The following TIAM2 variants were observed in gnomAD, a reference collection of about 807,000 sequenced individuals.
The protein encoded by TIAM2 is TIAM Rac1 associated GEF 2.
TIAM2 carries 80 observed loss-of-function variants against 152.9 expected under a neutral mutation model. The ratio of observed to expected loss-of-function variants is 0.52; its 90% CI spans 0.44 to 0.63. The LOEUF is 0.63. TIAM2 is among the 30% of genes least tolerant of loss of function. The pLI is 0.00. For missense variants in TIAM2, 1,965 were observed against 2,120.1 expected, an observed-to-expected ratio of 0.93 and a Z score of 1.44; for synonymous variants, 804 against 838.0, an observed-to-expected ratio of 0.96 and a Z score of 0.70.
chr6:155,247,517 CG>C (rs1056977416), intron 19 of TIAM2, among the ~76,000 whole-genome samples: 2 of 151,978 alleles, frequency 1.3e-5, no homozygotes, highest in African/African-American at 4.8e-5. Flanking sequence ...TTAGTAGAGA[CG>C]GGTTTCACCA....
At chr6:155,094,144 G>A (rs1374446105) in intron 2 of TIAM2, among the ~76,000 whole-genome samples, 1 of 152,128 alleles carries the variant, frequency 6.6e-6, no homozygotes, top group African/African-American at 2.4e-5. Context: ...TTCAAAATGT[G>A]GGATTATCTG....
At chr6:155,126,761 G>A (rs1779306765) in intron 2 of TIAM2, among the ~76,000 whole-genome samples, 1 of 148,942 alleles carries the variant, frequency 6.7e-6, no homozygotes, top group South Asian at 2.1e-4. Context: ...TAAATGGTAA[G>A]ATGGAAAATG....
chr6:155,030,370 G>C (rs1033063920), intron 1 of TIAM2, among the ~76,000 whole-genome samples: 6 of 152,156 alleles, frequency 3.9e-5, no homozygotes, highest in Non-Finnish European at 7.3e-5. Context: ...CTGTTGGTGA[G>C]AAGTTGATTT....
At chr6:155,048,890 T>C (rs533162906) in intron 1 of TIAM2, among the ~76,000 whole-genome samples, 19 of 151,854 alleles carry the variant, frequency 1.3e-4, no homozygotes, top group African/African-American at 4.1e-4. Context: ...AACCTTTGCC[T>C]CCTGGGTTCA....
At chr6:155,008,173 A>G (rs1446681046) in intron 1 of TIAM2, among the ~76,000 whole-genome samples, 3 of 152,238 alleles carry the variant, frequency 2.0e-5, no homozygotes, top group South Asian at 2.1e-4. Flanking sequence ...TCAAGATATA[A>G]AAGTACATTT....
At chr6:155,195,749 C>T (rs1327146977) in intron 14 of TIAM2, among the ~76,000 whole-genome samples, 1 of 152,178 alleles carries the variant, frequency 6.6e-6, no homozygotes. Context: ...CAATGGACAC[C>T]TAGGAGCACA....
rs1472679050 is a variant in TIAM2 at position 155,211,292 on chromosome 6, GGAGCA to G, written c.3156_3160del (p.Glu1052AspfsTer6). The stretch of plus-strand genomic sequence containing the variant: ...ATCAGGTTTCCCACAGGGAGAAAAT[GGAGCA>G]GACATTCAGGGTAAGATACTGGCCC... On this transcript the variant is annotated frameshift_variant, in exon 15 of 27. Transcript: ENST00000682666. LOFTEE classifies it high-confidence loss of function. 2 of 1,613,194 alleles carry G rather than the reference GGAGCA, an allele frequency of 1.2e-6. No homozygotes were observed. The highest frequency in any genetic ancestry group is 1.7e-6 in the Non-Finnish European group (2 of 1,179,372).
intron 8 of TIAM2, among the ~76,000 whole-genome samples, 185 bp downstream of exon 8, chr6:155,164,785 C>T (rs977302965): frequency 7.2e-5 from 11 of 152,256 alleles, no homozygotes; most frequent in Middle Eastern, 3.4e-3. Context: ...GTAGAGCCCC[C>T]GGTTTCTCTA....
chr6:155,130,124 G>A lies in TIAM2; in HGVS notation c.901G>A (p.Glu301Lys). The change falls in exon 4 of 27, where the codon GAA becomes AAA. Residue 301 changes from glutamate (E) to lysine (K), a missense_variant. Glu to Lys is a moderately conservative substitution (Grantham distance 56, BLOSUM62 1). Around this residue, in one of 3 missense-constraint regions of TIAM2, gnomAD observed 1,025 missense variants for 1,119.4 expected, o/e 0.92. Coordinates refer to ENST00000682666, the MANE Select transcript of TIAM2 (RefSeq NM_012454.4). ...AAGCTCTTCCCTCTCCTCCCTCCGG[G>A]AACTGTACAAAGATGCCAACCTGGG... ...NQSSSLSSLR[E>K]LYKDANLGSL... The A allele has an allele frequency of 6.2e-7, 1 of 1,614,144 alleles. No homozygotes were observed. Among genetic ancestry groups the A allele is most frequent in the Non-Finnish European group, 8.5e-7 (1 of 1,180,032 alleles).
At chr6:155,045,840 C>CTTTTTTTTTT (rs11354850) in intron 1 of TIAM2, among the ~76,000 whole-genome samples, 59 of 60,452 alleles carry the variant, frequency 9.8e-4, no homozygotes, top group African/African-American at 1.1e-3. Context: ...ATAGTGCCCT[C>CTTTTTTTTTT]TTTTTTTTTT....
At chr6:155,176,396 G>A (rs1032089999) in intron 9 of TIAM2, among the ~76,000 whole-genome samples, 13 of 152,142 alleles carry the variant, frequency 8.5e-5, no homozygotes, top group Non-Finnish European at 1.6e-4. Flanking sequence ...AGCACACCTG[G>A]CTAATTTTTG....
intron 9 of TIAM2, chr6:155,168,816 AT>A (rs1562339597): frequency 6.6e-7 from 1 of 1,524,132 alleles, no homozygotes; most frequent in Non-Finnish European, 8.8e-7. Flanking sequence ...GGGCCATTTC[AT>A]TAGTCTTTTT....
rs982251299 is a variant in TIAM2 at position 155,256,988 on chromosome 6, C to G, written c.4973C>G (p.Ser1658Cys). 1 of 1,614,050 alleles carries G rather than the reference C, an allele frequency of 6.2e-7. No individual in the cohort carries two copies. The highest frequency in any genetic ancestry group is 8.5e-7 in the Non-Finnish European group (1 of 1,180,046). ...TLLKAQIRHQSLDSQSENATI... is the reference protein window; with the variant it reads ...TLLKAQIRHQCLDSQSENATI... ...CTCAAGGCGCAGATCCGTCACCAGT[C>G]CCTTGACAGTCAGTCTGAAAATGCC... The change falls in exon 27 of 27, where the codon TCC (serine) becomes TGC (cysteine). Residue 1658 changes from serine to cysteine, a missense_variant. By Grantham distance (112) the Ser-to-Cys change is moderately radical. Coordinates refer to ENST00000682666, the MANE Select transcript of TIAM2 (RefSeq NM_012454.4).
At chr6:155,064,672 A>G (rs1777650479) in intron 1 of TIAM2, among the ~76,000 whole-genome samples, 1 of 152,252 alleles carries the variant, frequency 6.6e-6, no homozygotes, top group Non-Finnish European at 1.5e-5. Context: ...AAGCTGGATT[A>G]CATAATTATG....
At chr6:155,098,625 G>A (rs966109361) in intron 2 of TIAM2, among the ~76,000 whole-genome samples, 1 of 152,146 alleles carries the variant, frequency 6.6e-6, no homozygotes, top group African/African-American at 2.4e-5. Context: ...GTGAACAAAG[G>A]CTACTTTGAA....
At chr6:155,032,738 G>C (rs993382234) in intron 1 of TIAM2, among the ~76,000 whole-genome samples, 1 of 151,938 alleles carries the variant, frequency 6.6e-6, no homozygotes, top group African/African-American at 2.4e-5. Flanking sequence ...GACGGGTTTC[G>C]CCATGTTGGC....
At chr6:155,120,636 T>G (rs1357748234) in intron 2 of TIAM2, among the ~76,000 whole-genome samples, 1 of 152,190 alleles carries the variant, frequency 6.6e-6, no homozygotes, top group African/African-American at 2.4e-5. Flanking sequence ...GTCCTGAGTT[T>G]TAATATTTTC....
At chr6:155,141,394 T>TATACACACACACACAC (rs68158012) in intron 5 of TIAM2, among the ~76,000 whole-genome samples, 79 of 150,242 alleles carry the variant, frequency 5.3e-4, no homozygotes, top group African/African-American at 1.8e-3. Flanking sequence ...CATATATGTG[T>TATACACACACACACAC]ACACACACAC....
At chr6:155,018,511 C>CA (rs1778638676) in intron 1 of TIAM2, among the ~76,000 whole-genome samples, 1 of 150,322 alleles carries the variant, frequency 6.7e-6, no homozygotes, top group African/African-American at 2.4e-5. Flanking sequence ...CCCAGCTACT[C>CA]AGGAGGCTGA....
Sources: allele counts gnomAD v4.1 joint callset (sites outside exome capture counted in the v4.1 genomes callset), GRCh38; gene constraint gnomAD v4.1.1; regional missense constraint gnomAD v4.1.1; transcripts MANE v1.5; gene names NCBI Gene and HGNC (gene_info 2026-07-23, HGNC 2026-07-21).